Variants in LRP1B observed in about 807,000 individuals in gnomAD.
LRP1B encodes the protein LDL receptor related protein 1B.
LRP1B carries 217 observed loss-of-function variants against 556.6 expected under a neutral mutation model. That is an observed-to-expected ratio of 0.39 (90% confidence interval 0.35 to 0.44). The LOEUF (loss-of-function observed/expected upper bound fraction) is 0.44, where lower values mean the gene tolerates loss of function less well. Ranked by LOEUF, LRP1B falls within the 20% of genes least tolerant of loss-of-function variation. The probability of loss-of-function intolerance (pLI) is 1.00; values close to 1 mark genes in which losing one functional copy is unlikely to be tolerated. For synonymous variants in LRP1B, 2,047 were observed against 1,865.8 expected (o/e 1.10, Z -2.50); for missense variants, 5,053 against 5,620.8 (o/e 0.90, Z 3.23).
intron 1 of LRP1B, among the ~76,000 whole-genome samples, chr2:141,928,981 T>C (rs1700413366): frequency 6.6e-6 from 1 of 152,104 alleles, no homozygotes; most frequent in Non-Finnish European, 1.5e-5. Flanking sequence ...TAGGAGAGCA[T>C]ATTCCTGTTG....
chr2:140,575,730 T>C (rs966972661), intron 43 of LRP1B, among the ~76,000 whole-genome samples: 3 of 151,832 alleles, frequency 2.0e-5, no homozygotes, highest in Non-Finnish European at 4.4e-5. Context: ...ATCAAGACCA[T>C]CCTGGCCAAC....
rs1694147521 is a variant in LRP1B at position 140,903,000 on chromosome 2, T to C, written c.3686A>G (p.Glu1229Gly). The C allele has an allele frequency of 6.2e-7, 1 of 1,613,714 alleles. No homozygotes were observed. Among genetic ancestry groups the C allele is most frequent in the Admixed American group, 1.7e-5 (1 of 59,968 alleles). ...SNHLKCSQVC[E>G]QHKHTVKCSC... ...GCACTTGACTGTGTGCTTGTGCTGC[T>C]CACATACTTGGCTGCACTTTAGATG... Residue 1229 changes from glutamate (E) to glycine (G), a missense_variant, in exon 23 of 91, where the codon GAG (glutamate) becomes GGG (glycine). Glu to Gly is a moderately conservative substitution (Grantham distance 98). Coordinates refer to ENST00000389484, the MANE Select transcript of LRP1B (RefSeq NM_018557.3).
At chr2:141,291,690 A>G (rs1300544143) in intron 3 of LRP1B, among the ~76,000 whole-genome samples, 2 of 151,848 alleles carry the variant, frequency 1.3e-5, no homozygotes, top group African/African-American at 4.8e-5. Flanking sequence ...CCCCGTCTCT[A>G]CTGAAAATAC....
intron 1 of LRP1B, among the ~76,000 whole-genome samples, chr2:141,992,276 T>G (rs996895000): frequency 3.9e-5 from 6 of 152,214 alleles, no homozygotes; most frequent in Non-Finnish European, 5.9e-5. Context: ...CCTCTCATAA[T>G]GGATGATTTT....
intron 23 of LRP1B, among the ~76,000 whole-genome samples, chr2:140,902,298 T>A (rs1355755563): frequency 1.3e-5 from 2 of 152,054 alleles, no homozygotes; most frequent in Non-Finnish European, 2.9e-5. Flanking sequence ...TCTTTCACGC[T>A]ACTCTTACAA....
chr2:141,647,876 T>C, intron 2 of LRP1B, among the ~76,000 whole-genome samples: 1 of 151,932 alleles, frequency 6.6e-6, no homozygotes, highest in East Asian at 1.9e-4. Context: ...ATTTGGAGTA[T>C]GCCAAGAAAA....
intron 1 of LRP1B, among the ~76,000 whole-genome samples, chr2:142,003,431 AAGCCAACCACCCTTTCAGTGGACAT>A (rs1252336377): frequency 6.6e-6 from 1 of 152,102 alleles, no homozygotes; most frequent in Non-Finnish European, 1.5e-5. Flanking sequence ...CCAAACAGAA[AAGCCAACCACCCTTTCAGTGGACAT>A]AGCTCTATTT....
chr2:141,527,261 C>A (rs1559122238), intron 2 of LRP1B, among the ~76,000 whole-genome samples: 4 of 152,132 alleles, frequency 2.6e-5, no homozygotes, highest in South Asian at 4.1e-4. Flanking sequence ...CAACATAATT[C>A]TTTTCTGGTC....
intron 3 of LRP1B, among the ~76,000 whole-genome samples, chr2:141,363,039 T>G (rs577420437): frequency 6.6e-6 from 1 of 152,304 alleles, no homozygotes; most frequent in African/African-American, 2.4e-5. Flanking sequence ...TCATAAAAAG[T>G]TCAAATTATG....
chr2:142,013,620 A>G (rs1184799663), intron 1 of LRP1B, among the ~76,000 whole-genome samples: 1 of 152,186 alleles, frequency 6.6e-6, no homozygotes, highest in Non-Finnish European at 1.5e-5. Flanking sequence ...GAAGTGAAGA[A>G]GATTAAAGAG....
intron 35 of LRP1B, among the ~76,000 whole-genome samples, chr2:140,738,529 G>A (rs528793851): frequency 1.3e-5 from 2 of 152,120 alleles, no homozygotes; most frequent in South Asian, 2.1e-4. Flanking sequence ...ATTGTCCCCC[G>A]CCAAAGACTG....
chr2:141,032,822 C>CAT lies in LRP1B; in HGVS notation c.1790-12722_1790-12721dup, dbSNP rs1333410760. 5.6e-3 allele frequency among the ~76,000 whole-genome samples: 426 copies of CAT among 75,622 alleles called. 13 individuals are homozygous for CAT. Among genetic ancestry groups the CAT allele is most frequent in the African/African-American group, 0.021 (417 of 19,480 alleles). The allele number at this position is 75,622 out of a possible 152,430, so 49.6% of individuals were successfully genotyped here. A position where few individuals can be genotyped will look rare whatever the true frequency, so the allele number is the denominator to read the frequency against. ...GTATATGTGTGTGTGTATATATATA[C>CAT]ATACATATATATATATATGCAGGCA... On this transcript the variant is annotated intron_variant, in intron 11 of 90. Coordinates refer to ENST00000389484, the MANE Select transcript of LRP1B (RefSeq NM_018557.3).
rs556573167 is a variant in LRP1B, at chr2:141,589,507, C to T, written c.206-108974G>A. The stretch of plus-strand genomic sequence containing the variant: ...CTGACACATTTAACTACTATCATTG[C>T]GCAAGTCTTCACAGCCCCATCCCCT... On this transcript the variant is annotated intron_variant, in intron 2 of 90. Transcript: ENST00000389484. Among the ~76,000 whole-genome samples the T allele has an allele frequency of 2.0e-3, 305 of 152,208 alleles. 2 individuals are homozygous for T. Among genetic ancestry groups the T allele is most frequent in the South Asian group, 4.1e-3 (20 of 4,822 alleles).
intron 86 of LRP1B, among the ~76,000 whole-genome samples, chr2:140,269,970 C>T (rs559066773): frequency 1.3e-5 from 2 of 151,882 alleles, no homozygotes; most frequent in Non-Finnish European, 2.9e-5. Context: ...AAAATTATAA[C>T]AATTTTCTCT....
chr2:141,751,532 G>T (rs1420544207), intron 2 of LRP1B, among the ~76,000 whole-genome samples: 2 of 152,108 alleles, frequency 1.3e-5, no homozygotes, highest in African/African-American at 4.8e-5. Flanking sequence ...CAACTGTGCT[G>T]ATTGGAAGTC....
chr2:142,094,779 A>C (rs1706300090), intron 1 of LRP1B, among the ~76,000 whole-genome samples: 1 of 151,640 alleles, frequency 6.6e-6, no homozygotes, highest in African/African-American at 2.4e-5. Context: ...ATGAAACCAA[A>C]TATATTCAAA....
chr2:140,367,475 G>T (rs1036026513), intron 71 of LRP1B, among the ~76,000 whole-genome samples: 1 of 151,594 alleles, frequency 6.6e-6, no homozygotes, highest in South Asian at 2.1e-4. Flanking sequence ...GTGAGACTCC[G>T]ACAATTGAAC....
At chr2:141,406,782 G>A (rs76370448) in intron 3 of LRP1B, among the ~76,000 whole-genome samples, 15,237 of 151,954 alleles carry the variant, frequency 0.1, 914 homozygotes, top group South Asian at 0.17. Flanking sequence ...TATTTTAGGG[G>A]TGACTTATAA....
intron 35 of LRP1B, among the ~76,000 whole-genome samples, chr2:140,737,781 T>C (rs1238921403): frequency 6.6e-6 from 1 of 152,184 alleles, no homozygotes; most frequent in Non-Finnish European, 1.5e-5. Context: ...CTCTGTTTAA[T>C]TTGCCAGTCT....
Sources: allele counts gnomAD v4.1 joint callset (sites outside exome capture counted in the v4.1 genomes callset), GRCh38; gene constraint gnomAD v4.1.1; transcripts MANE v1.5; gene names NCBI Gene and HGNC (gene_info 2026-07-23, HGNC 2026-07-21).